Variants in EPC1 observed in about 807,000 individuals in gnomAD.
EPC1 encodes the protein enhancer of polycomb homolog 1.
Under a neutral mutation model 98.4 loss-of-function variants are expected in EPC1, and 12 were observed. The observed-to-expected ratio is 0.12, with a 90% CI of 0.08 to 0.20. EPC1 has a LOEUF of 0.20. Ranked by LOEUF, EPC1 falls within the 10% of genes least tolerant of loss-of-function variation. EPC1 has a pLI of 1.00. For synonymous variants in EPC1, 357 were observed against 363.9 expected, an observed-to-expected ratio of 0.98 and a Z score of 0.21; for missense variants, 729 against 990.5, an observed-to-expected ratio of 0.74 and a Z score of 3.54.
chr10:32,325,974 A>G (rs373610840), intron 1 of EPC1, among the ~76,000 whole-genome samples: 14 of 152,340 alleles, frequency 9.2e-5, no homozygotes, highest in Middle Eastern at 3.4e-3. Flanking sequence ...GTTAGAATGC[A>G]AAACTTACTT....
intron 1 of EPC1, among the ~76,000 whole-genome samples, chr10:32,361,054 T>C (rs1029343807): frequency 5.3e-5 from 8 of 152,232 alleles, no homozygotes; most frequent in Non-Finnish European, 1.2e-4. Flanking sequence ...AAAAGTGTGC[T>C]CTGGGCAGCC....
At chr10:32,281,269 G>A (rs935851860) in intron 10 of EPC1, among the ~76,000 whole-genome samples, 2 of 152,080 alleles carry the variant, frequency 1.3e-5, no homozygotes. Context: ...CCTGATCTGA[G>A]GTGATCTCAG....
At chr10:32,320,200 T>A (rs1836816954) in intron 1 of EPC1, among the ~76,000 whole-genome samples, 1 of 152,062 alleles carries the variant, frequency 6.6e-6, no homozygotes, top group South Asian at 2.1e-4. Flanking sequence ...TGTTTTTTTT[T>A]TTTAAATAAA....
At chr10:32,324,111 T>C (rs1053925422) in intron 1 of EPC1, among the ~76,000 whole-genome samples, 4 of 151,948 alleles carry the variant, frequency 2.6e-5, no homozygotes, top group African/African-American at 9.6e-5. Context: ...AATTTTTTTG[T>C]ATTTTTTAGT....
chr10:32,338,873 G>C (rs1838143220), intron 1 of EPC1, among the ~76,000 whole-genome samples: 1 of 150,136 alleles, frequency 6.7e-6, no homozygotes, highest in South Asian at 2.1e-4. Context: ...AGGAGGCTGA[G>C]GCTGCAATGA....
intron 1 of EPC1, among the ~76,000 whole-genome samples, chr10:32,377,756 G>A (rs1258707183): frequency 1.3e-5 from 2 of 150,656 alleles, no homozygotes; most frequent in South Asian, 2.1e-4. Context: ...GCACTACAGC[G>A]CCACCAACAC....
At chr10:32,286,582 T>C in intron 9 of EPC1, 112 bp downstream of exon 9, 1 of 1,263,558 alleles carries the variant, frequency 7.9e-7, no homozygotes, top group Non-Finnish European at 1.1e-6. Context: ...CAGTTAAGAA[T>C]AGCAAATAGG....
chr10:32,305,503 T>G (rs1203447081), intron 2 of EPC1, among the ~76,000 whole-genome samples: 2 of 28,484 alleles, frequency 7.0e-5, no homozygotes, highest in East Asian at 0.083. Context: ...ATATCTGAGT[T>G]TTTTTTTTTT....
At chr10:32,331,472 T>C (rs1048270771) in intron 1 of EPC1, among the ~76,000 whole-genome samples, 4 of 151,976 alleles carry the variant, frequency 2.6e-5, no homozygotes, top group African/African-American at 7.2e-5. Flanking sequence ...CAAAAGTTTA[T>C]AGAGTAAAAT....
chr10:32,286,733 C>T lies in EPC1; in HGVS notation c.1352G>A (p.Cys451Tyr). Residue 451 changes from cysteine to tyrosine, a missense_variant, in exon 9 of 14, where the codon TGT becomes TAT. Cys to Tyr is a radical substitution (Grantham distance 194). Coordinates refer to ENST00000319778, the MANE Select transcript of EPC1 (RefSeq NM_001272004.3). ...CLTTLTVPQRCIGFARRRVGR... is the reference protein window; with the variant it reads ...CLTTLTVPQRYIGFARRRVGR... ...AACCCGTCTTCGTGCAAATCCAATA[C>T]ACCTTTGGGGTACGGTGAGAGTAGT... The T allele has an allele frequency of 6.2e-7, 1 of 1,614,174 alleles. No homozygotes were observed. The highest frequency in any genetic ancestry group is 8.5e-7 in the Non-Finnish European group (1 of 1,180,046).
upstream of EPC1, among the ~76,000 whole-genome samples, chr10:32,347,724 T>C (rs74128084): frequency 0.034 from 5,199 of 152,296 alleles, 282 homozygotes; most frequent in African/African-American, 0.12. Context: ...CTTAGGTCTT[T>C]ACGATAAAAA....
At chr10:32,376,880 C>T (rs920223607) in intron 1 of EPC1, among the ~76,000 whole-genome samples, 1 of 152,048 alleles carries the variant, frequency 6.6e-6, no homozygotes, top group Non-Finnish European at 1.5e-5. Context: ...AAAAAATACG[C>T]TTTAGGGTTC....
At position 32,323,996 on chromosome 10, in the gene EPC1, C is replaced by T. The variant is rs570070491; in HGVS notation, c.154-18065G>A. Among the ~76,000 whole-genome samples, 138 of 152,166 alleles carry T rather than the reference C, an allele frequency of 9.1e-4. 1 individual carries two copies. Among genetic ancestry groups the T allele is most frequent in the African/African-American group, 3.3e-3 (135 of 41,534 alleles). ...TGTCGCCCAGGCTGGAGAGCAGTGG[C>T]GCGATCTCGGCTCACTGCAAGCTCC... is the stretch of plus-strand genomic sequence containing the variant. On this transcript the variant is annotated intron_variant, in intron 1 of 13. Coordinates refer to ENST00000319778, the MANE Select transcript of EPC1 (RefSeq NM_001272004.3).
chr10:32,330,511 T>G (rs2505404), intron 1 of EPC1, among the ~76,000 whole-genome samples: 1 of 152,036 alleles, frequency 6.6e-6, no homozygotes, highest in South Asian at 2.1e-4. Flanking sequence ...AAGACACACA[T>G]GTATTAGGGA....
intron 6 of EPC1, among the ~76,000 whole-genome samples, chr10:32,289,478 T>G (rs923573392): frequency 2.0e-5 from 3 of 152,060 alleles, no homozygotes; most frequent in African/African-American, 7.2e-5. Flanking sequence ...TGTGGCAGGT[T>G]GTACATTCAG....
intron 1 of EPC1, among the ~76,000 whole-genome samples, chr10:32,323,732 A>G (rs1269193167): frequency 6.6e-6 from 1 of 152,168 alleles, no homozygotes; most frequent in Admixed American, 6.5e-5. Context: ...ACCTCTTAGC[A>G]TGGTCCCTAG....
chr10:32,283,992 A>ATCT (rs1367286992), intron 10 of EPC1: 5 of 152,372 alleles, frequency 3.3e-5, no homozygotes, highest in African/African-American at 1.2e-4. Context: ...AATGATAAAT[A>ATCT]TCTTCATAGT....
chr10:32,305,848 T>C lies in EPC1; in HGVS notation c.237A>G (p.Ala79=). ...RDNMVIPVPE[A]ESNIAYYESI... ...ACTCATAGTAAGCAATATTACTTTC[T>C]GCCTCTGGGACCGGTATAACCATAT... The change falls in exon 2 of 14, where the codon GCA becomes GCG. Residue 79 remains alanine, a synonymous_variant. Transcript: ENST00000319778. The C allele has an allele frequency of 6.2e-7, 1 of 1,613,668 alleles. No homozygotes were observed. Among genetic ancestry groups the C allele is most frequent in the Non-Finnish European group, 8.5e-7 (1 of 1,179,796 alleles).
chr10:32,368,875 CATT>C (rs1564569786), intron 1 of EPC1, among the ~76,000 whole-genome samples: 1 of 152,184 alleles, frequency 6.6e-6, no homozygotes, highest in African/African-American at 2.4e-5. Context: ...TGCACAAACT[CATT>C]GTGTTCTCTC....
Sources: gnomAD v4.1 joint callset for allele counts (sites outside exome capture counted in the v4.1 genomes callset) on GRCh38, gnomAD v4.1.1 for gene constraint, MANE v1.5 for transcripts, NCBI Gene and HGNC (gene_info 2026-07-23, HGNC 2026-07-21) for gene names.